FGD5: variants seen among roughly 807,000 people sequenced by gnomAD.
FGD5 encodes the protein FYVE, RhoGEF and PH domain-containing protein 5.
Under a neutral mutation model 133.4 loss-of-function variants are expected in FGD5, and 28 were observed. The ratio of observed to expected loss-of-function variants is 0.21; its 90% confidence interval spans 0.16 to 0.29. The LOEUF (loss-of-function observed/expected upper bound fraction) is 0.29, where lower values mean the gene tolerates loss of function less well. Ranked by LOEUF, FGD5 falls within the 10% of genes least tolerant of loss-of-function variation. The pLI, the probability that FGD5 is intolerant of heterozygous loss-of-function variation, is 1.00. For missense variants in FGD5, 1,858 were observed against 1,895.2 expected, an observed-to-expected ratio of 0.98 and a Z score of 0.36; for synonymous variants, 810 against 776.5, an observed-to-expected ratio of 1.04 and a Z score of -0.72.
In FGD5 at chr3:14,898,056, C is replaced by T. The variant is rs71308112; in HGVS notation, c.3027C>T (p.Leu1009=). The T allele has an allele frequency of 2.5e-6, 4 of 1,613,884 alleles. No homozygotes were observed. Among genetic ancestry groups the T allele is most frequent in the East Asian group, 2.2e-5 (1 of 44,896 alleles). Residue 1009 remains leucine, a synonymous_variant, in exon 6 of 20, where the codon CTC becomes CTT. Transcript: ENST00000285046. ...RYLGLLSENC[L]HSPRLAAAVR... ...TAGGTCTGCTCAGTGAGAATTGCCT[C>T]CACTCTCCCCGGCTGGCAGCTGCTG...
At chr3:14,837,336 C>A (rs7613427) in intron 1 of FGD5, among the ~76,000 whole-genome samples, 9 of 152,020 alleles carry the variant, frequency 5.9e-5, no homozygotes, top group Admixed American at 3.3e-4. Flanking sequence ...GCCTGTAACC[C>A]CAGGAGGGGC....
chr3:14,878,018 G>A (rs191613444), intron 2 of FGD5, among the ~76,000 whole-genome samples: 99 of 152,262 alleles, frequency 6.5e-4, no homozygotes, highest in Admixed American at 1.3e-3. Flanking sequence ...AATGATTTGG[G>A]GTGTTCTTTA....
At chr3:14,834,516 AACTAG>A (rs1397749220) in intron 1 of FGD5, among the ~76,000 whole-genome samples, 3 of 152,224 alleles carry the variant, frequency 2.0e-5, no homozygotes, top group African/African-American at 7.2e-5. Flanking sequence ...ATGAGATTCA[AACTAG>A]ACATTCATGA....
At chr3:14,900,864 G>A (rs573026455) in intron 8 of FGD5, 139 bp from the exon 9 acceptor site, 1 of 876,192 alleles carries the variant, frequency 1.1e-6, no homozygotes, top group East Asian at 2.5e-5. Context: ...AGGCATGCAT[G>A]ACAGTGGTCA....
At chr3:14,847,564 G>GAA (rs2037073939) in intron 1 of FGD5, among the ~76,000 whole-genome samples, 1 of 152,182 alleles carries the variant, frequency 6.6e-6, no homozygotes, top group African/African-American at 2.4e-5. Context: ...GTATGTTCTC[G>GAA]TTGTTTTGTA....
At chr3:14,877,885 T>C (rs1214176065) in intron 2 of FGD5, among the ~76,000 whole-genome samples, 1 of 152,202 alleles carries the variant, frequency 6.6e-6, no homozygotes. Flanking sequence ...GCTCCTATTG[T>C]CATCCAGTGG....
intron 11 of FGD5, among the ~76,000 whole-genome samples, chr3:14,913,561 C>T (rs1423844636): frequency 6.6e-6 from 1 of 152,220 alleles, no homozygotes; most frequent in African/African-American, 2.4e-5. Context: ...CCCCGAGCCT[C>T]AGCTCCCTGA....
intron 16 of FGD5, chr3:14,923,466 C>T (rs146525419): frequency 4.8e-6 from 2 of 414,994 alleles, no homozygotes; most frequent in Non-Finnish European, 8.9e-6. Flanking sequence ...ACCATAGAGG[C>T]CCTCTTGTCA....
Position 14,900,999 on chromosome 3 carries a change from C to T in FGD5, c.3206-4C>T. The stretch of plus-strand genomic sequence containing the variant: ...CCCAACTCCTGCTCTGTGTCCCTCC[C>T]CAGGTGCACTGAGCCTCATCTCCAA... On this transcript the variant is annotated splice_polypyrimidine_tract_variant and splice_region_variant and intron_variant, in intron 8 of 19. Coordinates refer to ENST00000285046, the MANE Select transcript of FGD5 (RefSeq NM_152536.4). 6.2e-7 allele frequency: 1 copy of T among 1,614,022 alleles called. No individual in the cohort carries two copies. The highest frequency in any genetic ancestry group is 8.5e-7 in the Non-Finnish European group (1 of 1,179,874).
Position 14,901,039 on chromosome 3 carries a change from C to T in FGD5, c.3242C>T (p.Ala1081Val), listed in dbSNP as rs1474054082. 10 of 1,613,890 alleles carry T rather than the reference C, an allele frequency of 6.2e-6. No homozygotes were observed. Among genetic ancestry groups the T allele is most frequent in the South Asian group, 5.5e-5 (5 of 91,090 alleles). ...CTCATCTCCAAAGTCACAGACCGTG[C>T]CAACGACAGCATGGAGCAAGGGGTG... The part of the protein sequence containing the change: ...LSLISKVTDR[A>V]NDSMEQGENL... The change falls in exon 9 of 20, where the codon GCC (alanine) becomes GTC (valine). Residue 1081 changes from alanine to valine, a missense_variant. Physicochemically the swap from Ala to Val is moderately conservative, Grantham distance 64 (BLOSUM62 0). This residue lies in a region of FGD5 where 1,824 missense variants were observed against 1,848.9 expected (regional missense o/e 0.99). Transcript: ENST00000285046.
intron 1 of FGD5, among the ~76,000 whole-genome samples, chr3:14,827,867 G>A (rs1014264400): frequency 1.3e-5 from 2 of 152,144 alleles, no homozygotes; most frequent in African/African-American, 4.8e-5. Context: ...CTACCCGCCC[G>A]GGGCAGCAGC....
At chr3:14,925,734 T>A (rs1175369903) in intron 17 of FGD5, among the ~76,000 whole-genome samples, 1 of 151,828 alleles carries the variant, frequency 6.6e-6, no homozygotes, top group Admixed American at 6.6e-5. Context: ...AGTGCAAGAG[T>A]TAATTTTAGA....
chr3:14,823,987 G>A (rs2036555427), intron 1 of FGD5, among the ~76,000 whole-genome samples: 1 of 152,226 alleles, frequency 6.6e-6, no homozygotes. Flanking sequence ...TGCTTTCTTT[G>A]CATTAGCTCA....
At chr3:14,850,103 G>A (rs1181742507) in intron 1 of FGD5, among the ~76,000 whole-genome samples, 2 of 152,254 alleles carry the variant, frequency 1.3e-5, no homozygotes, top group African/African-American at 4.8e-5. Context: ...CAGGAGCAGT[G>A]ACTCCCCGGC....
intron 18 of FGD5, 149 bp from the exon 19 acceptor site, chr3:14,932,428 A>C: frequency 1.7e-5 from 14 of 801,064 alleles, no homozygotes; most frequent in East Asian, 6.1e-5. Context: ...GGGGGAAGCG[A>C]GGGTCAACAG....
chr3:14,830,336 G>A (rs1424118219), intron 1 of FGD5, among the ~76,000 whole-genome samples: 1 of 152,180 alleles, frequency 6.6e-6, no homozygotes, highest in Non-Finnish European at 1.5e-5. Context: ...ACCATCTGCA[G>A]CTGTTTCTTT....
intron 9 of FGD5, among the ~76,000 whole-genome samples, chr3:14,903,656 A>G (rs1394603298): frequency 2.6e-5 from 4 of 151,942 alleles, no homozygotes; most frequent in African/African-American, 9.7e-5. Context: ...TTCCAGTTTC[A>G]TCCATGTCCC....
chr3:14,889,362 C>T (rs932094490), intron 4 of FGD5, among the ~76,000 whole-genome samples: 3 of 152,166 alleles, frequency 2.0e-5, no homozygotes, highest in African/African-American at 7.2e-5. Context: ...GGTACTGTTA[C>T]GTGTCTGGCT....
chr3:14,872,852 A>G (rs974750044), intron 2 of FGD5, among the ~76,000 whole-genome samples: 3 of 152,160 alleles, frequency 2.0e-5, no homozygotes, highest in Admixed American at 6.5e-5. Flanking sequence ...CTGGTAGAAC[A>G]GGGGGCTTAG....
Sources: gnomAD v4.1 joint callset for allele counts (sites outside exome capture counted in the v4.1 genomes callset) on GRCh38, gnomAD v4.1.1 for gene constraint, gnomAD v4.1.1 regional missense constraint, MANE v1.5 for transcripts, NCBI Gene and HGNC (gene_info 2026-07-23, HGNC 2026-07-21) for gene names.